The following MBOAT2 variants were observed in gnomAD, a reference collection of about 807,000 sequenced individuals.
The protein encoded by MBOAT2 is membrane-bound glycerophospholipid O-acyltransferase 2.
MBOAT2 carries 28 observed loss-of-function variants against 63.4 expected under a neutral mutation model. The observed-to-expected ratio is 0.44, with a 90% CI of 0.33 to 0.61. The LOEUF is 0.61. Among genes scored for constraint, MBOAT2 ranks in the 20% least tolerant of loss-of-function variants. The pLI, the probability that MBOAT2 is intolerant of heterozygous loss-of-function variation, is 0.03. For missense variants in MBOAT2, 470 were observed against 605.8 expected (o/e 0.78, Z 2.35); for synonymous variants, 211 against 215.6 (o/e 0.98, Z 0.19).
chr2:8,886,710 G>A (rs919519633), intron 5 of MBOAT2, among the ~76,000 whole-genome samples: 18 of 152,286 alleles, frequency 1.2e-4, no homozygotes, highest in Admixed American at 7.8e-4. Context: ...GGGGTTTGTT[G>A]TTCTTCTGAG....
intron 4 of MBOAT2, 66 bp from the exon 5 acceptor site, chr2:8,888,139 G>T: frequency 7.1e-7 from 1 of 1,405,634 alleles, no homozygotes; most frequent in South Asian, 1.2e-5. Context: ...TATGACATAT[G>T]AGTTAAGAGT....
At chr2:8,906,260 A>G (rs1332368526) in intron 4 of MBOAT2, among the ~76,000 whole-genome samples, 2 of 152,216 alleles carry the variant, frequency 1.3e-5, no homozygotes, top group Non-Finnish European at 2.9e-5. Context: ...TTTAAATGTC[A>G]GCAAAATACT....
chr2:8,862,295 T>C lies in MBOAT2; in HGVS notation c.1185+295A>G, dbSNP rs941761732. On this transcript the variant is annotated intron_variant, in intron 11 of 12. Coordinates refer to ENST00000305997, the MANE Select transcript of MBOAT2 (RefSeq NM_138799.4). The surrounding 1 kb of genome is among the most constrained non-coding windows in gnomAD (Gnocchi z 4.3). ...CCCATTCTGATCATCTTTATTTAAC[T>C]CAGTTTTTATCTCTCCTTCAGAAAA... 2.0e-5 allele frequency: 27 copies of C among 1,336,260 alleles called. No homozygotes were observed. The highest frequency in any genetic ancestry group is 9.1e-5 in the Admixed American group (4 of 44,066). The allele number at this position is 1,336,260 out of a possible 1,614,324, so 82.8% of individuals were successfully genotyped here.
intron 2 of MBOAT2, among the ~76,000 whole-genome samples, chr2:8,947,385 C>A (rs552769919): frequency 6.6e-6 from 1 of 152,130 alleles, no homozygotes; most frequent in Non-Finnish European, 1.5e-5. Flanking sequence ...CAGCAAGTTA[C>A]CCAGAAGATC....
intron 11 of MBOAT2, chr2:8,861,176 T>TG (rs1363756601): frequency 6.6e-6 from 1 of 152,592 alleles, no homozygotes; most frequent in Non-Finnish European, 1.5e-5. Flanking sequence ...AAATAAAGTT[T>TG]GGTTTACCTT....
chr2:8,965,437 G>A (rs1027438327), intron 1 of MBOAT2, among the ~76,000 whole-genome samples: 4 of 152,070 alleles, frequency 2.6e-5, no homozygotes, highest in Non-Finnish European at 4.4e-5. Flanking sequence ...CAACCTCTGC[G>A]ATCTCCATCT....
At chr2:8,930,882 A>C (rs1454348495) in intron 3 of MBOAT2, among the ~76,000 whole-genome samples, 1 of 152,068 alleles carries the variant, frequency 6.6e-6, no homozygotes, top group Non-Finnish European at 1.5e-5. Flanking sequence ...AAAATCTAAC[A>C]CTGGCTACCT....
rs75486154 is a variant in MBOAT2 at position 8,966,544 on chromosome 2, G to A, written c.76-7902C>T. ...TTTTAATTTCCCAGGCAAAACTTAC[G>A]TGCAGCTACGTTTGGAAAACAAGAG... On this transcript the variant is annotated intron_variant, in intron 1 of 12. Coordinates refer to ENST00000305997, the MANE Select transcript of MBOAT2 (RefSeq NM_138799.4). 5.0e-3 allele frequency among the ~76,000 whole-genome samples: 765 copies of A among 152,170 alleles called. 9 individuals carry two copies. The highest frequency in any genetic ancestry group is 0.02 in the South Asian group (97 of 4,820).
At chr2:8,860,836 T>A in intron 11 of MBOAT2, 72 bp from the exon 12 acceptor site, 1 of 1,207,404 alleles carries the variant, frequency 8.3e-7, no homozygotes, top group Non-Finnish European at 1.2e-6. Context: ...ACTGGTGATA[T>A]CAACTGTTGG....
At chr2:8,932,902 T>G (rs1667423741) in intron 3 of MBOAT2, among the ~76,000 whole-genome samples, 1 of 152,176 alleles carries the variant, frequency 6.6e-6, no homozygotes, top group Non-Finnish European at 1.5e-5. Flanking sequence ...GTCTATACAC[T>G]CATAACAACA....
intron 7 of MBOAT2, among the ~76,000 whole-genome samples, chr2:8,876,347 T>C (rs557059280): frequency 6.6e-6 from 1 of 152,212 alleles, no homozygotes; most frequent in Non-Finnish European, 1.5e-5. Flanking sequence ...TGAGTCTCAG[T>C]TTCCTCAATG....
chr2:8,989,850 G>A (rs1029171665), intron 1 of MBOAT2, among the ~76,000 whole-genome samples: 1 of 152,186 alleles, frequency 6.6e-6, no homozygotes, highest in Non-Finnish European at 1.5e-5. Flanking sequence ...ACCAACACCT[G>A]ATAAAACTTT....
intron 2 of MBOAT2, among the ~76,000 whole-genome samples, chr2:8,950,181 C>T (rs2103256035): frequency 6.6e-6 from 1 of 152,306 alleles, no homozygotes; most frequent in Admixed American, 6.5e-5. Context: ...AGCCTGAAAT[C>T]TTGCTACAAT....
chr2:8,951,200 G>A (rs1668804716), intron 2 of MBOAT2, among the ~76,000 whole-genome samples: 1 of 146,922 alleles, frequency 6.8e-6, no homozygotes, highest in African/African-American at 2.7e-5. Context: ...TAGAATACTG[G>A]TACCAGCTTT....
chr2:8,958,665 T>C, intron 1 of MBOAT2, 23 bp from the exon 2 acceptor site: 1 of 1,542,070 alleles, frequency 6.5e-7, no homozygotes, highest in African/African-American at 1.4e-5. Flanking sequence ...ATTAAAATTT[T>C]GTATTAGCAA....
At chr2:8,864,465 C>T (rs1047569041) in intron 9 of MBOAT2, among the ~76,000 whole-genome samples, 1 of 152,138 alleles carries the variant, frequency 6.6e-6, no homozygotes, top group South Asian at 2.1e-4. Flanking sequence ...ACCATTTTCT[C>T]TTGTATGTTA....
intron 9 of MBOAT2, among the ~76,000 whole-genome samples, chr2:8,866,034 C>A (rs148070483): frequency 2.6e-5 from 4 of 151,416 alleles, no homozygotes; most frequent in Non-Finnish European, 5.9e-5. Context: ...GAGACTTTGT[C>A]TCAAATAAAT....
chr2:8,946,489 C>T (rs1668420140), intron 2 of MBOAT2, among the ~76,000 whole-genome samples: 1 of 152,156 alleles, frequency 6.6e-6, no homozygotes, highest in Non-Finnish European at 1.5e-5. Flanking sequence ...TGTTTTACTG[C>T]ACTTTGCCTT....
chr2:8,942,506 T>C (rs564665875), intron 3 of MBOAT2, among the ~76,000 whole-genome samples: 1 of 152,350 alleles, frequency 6.6e-6, no homozygotes, highest in Non-Finnish European at 1.5e-5. Flanking sequence ...TCTCCTCTTA[T>C]ATGTCTTACA....
Sources: allele counts gnomAD v4.1 joint callset (sites outside exome capture counted in the v4.1 genomes callset), GRCh38; gene constraint gnomAD v4.1.1; non-coding constraint Gnocchi (gnomAD v3.1); transcripts MANE v1.5; gene names NCBI Gene and HGNC (gene_info 2026-07-23, HGNC 2026-07-21).